Variants in ABAT observed in about 807,000 individuals in gnomAD.
ABAT encodes 4-aminobutyrate aminotransferase, also known as 4-aminobutyrate aminotransferase, mitochondrial.
In ABAT, 45 loss-of-function variants were observed where a neutral mutation model predicts 64.6. The ratio of observed to expected loss-of-function variants is 0.70; its 90% CI spans 0.55 to 0.89. ABAT has a LOEUF of 0.89. Among genes scored for constraint, ABAT ranks in the 40% least tolerant of loss-of-function variants. The probability of loss-of-function intolerance (pLI) is 0.00; values close to 1 mark genes in which losing one functional copy is unlikely to be tolerated. For missense variants in ABAT, 633 were observed against 658.4 expected (o/e 0.96, Z 0.42); for synonymous variants, 297 against 250.5 (o/e 1.19, Z -1.75).
intron 1 of ABAT, among the ~76,000 whole-genome samples, chr16:8,684,575 CA>C (rs2057409695): frequency 6.6e-6 from 1 of 151,892 alleles, no homozygotes; most frequent in African/African-American, 2.4e-5. Flanking sequence ...AAAAATTAGC[CA>C]GGTGTGGTAA....
intron 1 of ABAT, 86 bp from the exon 2 acceptor site, chr16:8,735,613 T>G: frequency 9.4e-7 from 1 of 1,066,446 alleles, no homozygotes; most frequent in Non-Finnish European, 1.4e-6. Flanking sequence ...CTTTCTCTAT[T>G]AGGTGGGAAG....
intron 12 of ABAT, among the ~76,000 whole-genome samples, chr16:8,773,198 C>T (rs974372964): frequency 7.3e-5 from 11 of 151,392 alleles, no homozygotes; most frequent in African/African-American, 2.7e-4. Flanking sequence ...GTTACCCAGG[C>T]TGGAGTGCAG....
chr16:8,774,531 C>T (rs1322712838), intron 12 of ABAT, among the ~76,000 whole-genome samples: 5 of 152,028 alleles, frequency 3.3e-5, no homozygotes, highest in African/African-American at 1.2e-4. Flanking sequence ...GTTTGAGAAG[C>T]ACATTCGAGG....
chr16:8,703,691 A>C (rs1253667276), intron 1 of ABAT, among the ~76,000 whole-genome samples: 2 of 152,140 alleles, frequency 1.3e-5, no homozygotes, highest in Non-Finnish European at 2.9e-5. Context: ...CTCTGCTTGA[A>C]ATTGAGTGAA....
At chr16:8,708,599 C>G (rs1053517454) in intron 1 of ABAT, among the ~76,000 whole-genome samples, 1 of 152,090 alleles carries the variant, frequency 6.6e-6, no homozygotes, top group African/African-American at 2.4e-5. Context: ...GCGCACCTGG[C>G]CAATCAAATT....
chr16:8,680,072 T>G (rs186011944), intron 1 of ABAT, among the ~76,000 whole-genome samples: 1 of 152,148 alleles, frequency 6.6e-6, no homozygotes, highest in Non-Finnish European at 1.5e-5. Flanking sequence ...CTTTTACAGG[T>G]AGTCTTCCCC....
chr16:8,742,807 A>T (rs2059200653), intron 2 of ABAT, among the ~76,000 whole-genome samples: 1 of 151,122 alleles, frequency 6.6e-6, no homozygotes, highest in African/African-American at 2.4e-5. Flanking sequence ...CAGAGGTTGC[A>T]ATGAGCTGAG....
At chr16:8,745,796 A>T (rs2059310790) in intron 2 of ABAT, among the ~76,000 whole-genome samples, 1 of 152,208 alleles carries the variant, frequency 6.6e-6, no homozygotes, top group African/African-American at 2.4e-5. Context: ...CTTTGCTGAC[A>T]CTGGGTTTTC....
intron 1 of ABAT, among the ~76,000 whole-genome samples, chr16:8,723,225 C>T (rs1251507815): frequency 2.6e-5 from 4 of 151,972 alleles, no homozygotes; most frequent in African/African-American, 9.7e-5. Flanking sequence ...AGAGTAAGAT[C>T]GTGTCTCTCA....
chr16:8,704,703 G>A (rs2057900412), intron 1 of ABAT, among the ~76,000 whole-genome samples: 1 of 151,920 alleles, frequency 6.6e-6, no homozygotes, highest in South Asian at 2.1e-4. Context: ...CTCATTACAT[G>A]GCTTAAAAAA....
intron 5 of ABAT, among the ~76,000 whole-genome samples, chr16:8,751,751 C>T (rs540816478): frequency 2.6e-5 from 4 of 152,232 alleles, no homozygotes; most frequent in Admixed American, 6.5e-5. Flanking sequence ...AGCTGGAAAA[C>T]GGTGACCTGC....
rs747042892 is a variant in ABAT, at chr16:8,768,212, A to G, written c.623A>G (p.Tyr208Cys). ...TTTTAGGCCCCTGGCTGCCCCGACTACAGCATCCTCTCCTTCATGGGCGCG... is the reference window on the plus strand; with the variant it reads ...TTTTAGGCCCCTGGCTGCCCCGACTGCAGCATCCTCTCCTTCATGGGCGCG... The part of the protein sequence containing the change: ...MINQAPGCPD[Y>C]SILSFMGAFH... Residue 208 changes from tyrosine to cysteine, a missense_variant, in exon 10 of 16, where the codon TAC becomes TGC. Tyr to Cys is a radical substitution (Grantham distance 194, BLOSUM62 -2). Transcript: ENST00000268251. 2 of 1,614,148 alleles carry G rather than the reference A, an allele frequency of 1.2e-6. No individual in the cohort carries two copies. Among genetic ancestry groups the G allele is most frequent in the East Asian group, 2.2e-5 (1 of 44,888 alleles).
intron 11 of ABAT, 151 bp downstream of exon 11, chr16:8,769,124 G>T (rs914456763): frequency 1.8e-6 from 2 of 1,084,750 alleles, no homozygotes. Flanking sequence ...GAGGCCTTGC[G>T]TCCCAAATGT....
chr16:8,699,785 A>G (rs879658249), intron 1 of ABAT, among the ~76,000 whole-genome samples: 10 of 149,116 alleles, frequency 6.7e-5, no homozygotes, highest in Non-Finnish European at 1.3e-4. Flanking sequence ...AGGCTGGTGC[A>G]GTGAATATTT....
rs374113959 is a variant in ABAT at position 8,764,148 on chromosome 16, C to T, written c.446C>T (p.Ser149Leu). The T allele has an allele frequency of 1.3e-5, 21 of 1,612,924 alleles. No individual in the cohort carries two copies. The highest frequency in any genetic ancestry group is 1.6e-5 in the Non-Finnish European group (19 of 1,179,838). Residue 149 changes from serine to leucine, a missense_variant and splice_region_variant, in exon 7 of 16, where the codon TCG becomes TTG. Coordinates refer to ENST00000268251, the MANE Select transcript of ABAT (RefSeq NM_020686.6). This position sits in a 1 kb window ranked among gnomAD's most constrained non-coding sequence, Gnocchi z 4.2. ...FVEKLRQSLL[S>L]VAPKGMSQLI... ...GAGAAGCTCCGGCAGTCCTTGCTCT[C>T]GGTGAGTTCTGGAGAAGCAATCCCA... is the stretch of plus-strand genomic sequence containing the variant.
chr16:8,710,454 G>A (rs1258465038), intron 1 of ABAT, among the ~76,000 whole-genome samples: 2 of 152,008 alleles, frequency 1.3e-5, no homozygotes, highest in Non-Finnish European at 2.9e-5. Flanking sequence ...AGAGAGATGA[G>A]AGGCTGGGCA....
intron 1 of ABAT, among the ~76,000 whole-genome samples, chr16:8,718,167 A>G (rs996546439): frequency 6.6e-6 from 1 of 152,198 alleles, no homozygotes; most frequent in Non-Finnish European, 1.5e-5. Context: ...GCAAGAATGG[A>G]ATAAGATGAA....
At chr16:8,706,936 G>A (rs1207228538) in intron 1 of ABAT, among the ~76,000 whole-genome samples, 1 of 152,160 alleles carries the variant, frequency 6.6e-6, no homozygotes, top group Non-Finnish European at 1.5e-5. Flanking sequence ...AAGAATGGCA[G>A]GTGCAAAGGC....
Position 8,768,968 on chromosome 16 carries a change from G to C in ABAT, c.811G>C (p.Glu271Gln). ...ENQQEEARCL[E>Q]EVEDLIVKYR... The stretch of plus-strand genomic sequence containing the variant: ...CCAACAGGAGGAGGCCCGCTGTCTG[G>C]AAGAGGTAATGCTCATACCCTGCGG... The change falls in exon 11 of 16, where the codon GAA becomes CAA. Residue 271 changes from glutamate to glutamine, a missense_variant. By Grantham distance (29) the Glu-to-Gln change is conservative (BLOSUM62 2). Transcript: ENST00000268251. 2 of 1,614,166 alleles carry C rather than the reference G, an allele frequency of 1.2e-6. No individual in the cohort carries two copies. The highest frequency in any genetic ancestry group is 1.7e-6 in the Non-Finnish European group (2 of 1,180,016).
Sources: gnomAD v4.1 joint callset for allele counts (sites outside exome capture counted in the v4.1 genomes callset) on GRCh38, gnomAD v4.1.1 for gene constraint, Gnocchi (gnomAD v3.1) non-coding constraint, MANE v1.5 for transcripts, NCBI Gene and HGNC (gene_info 2026-07-23, HGNC 2026-07-21) for gene names.